The following ATF2 variants were observed in gnomAD, a reference collection of about 807,000 sequenced individuals.
ATF2 encodes the protein activating transcription factor 2, also known as cyclic AMP-dependent transcription factor ATF-2.
In ATF2, 24 loss-of-function variants were observed where a neutral mutation model predicts 60.6. The ratio of observed to expected loss-of-function variants is 0.40; its 90% confidence interval spans 0.29 to 0.56. The LOEUF (loss-of-function observed/expected upper bound fraction) is 0.56. Among genes scored for constraint, ATF2 ranks in the 20% least tolerant of loss-of-function variants. The pLI is 0.54. For missense variants in ATF2, 433 were observed against 607.7 expected (o/e 0.71, Z 3.02); for synonymous variants, 206 against 215.4 (o/e 0.96, Z 0.38).
chr2:175,096,072 T>C (rs1488663818), intron 11 of ATF2, among the ~76,000 whole-genome samples: 7 of 152,326 alleles, frequency 4.6e-5, no homozygotes, highest in Middle Eastern at 6.8e-3. Context: ...GTTATGTAAA[T>C]ACCTATGCTT....
intron 12 of ATF2, among the ~76,000 whole-genome samples, chr2:175,082,116 A>G (rs941679655): frequency 1.3e-5 from 2 of 152,184 alleles, no homozygotes; most frequent in African/African-American, 4.8e-5. Flanking sequence ...TAAGTGACAG[A>G]AACATAAAAA....
At chr2:175,099,373 G>A (rs187088761) in intron 10 of ATF2, among the ~76,000 whole-genome samples, 1 of 152,190 alleles carries the variant, frequency 6.6e-6, no homozygotes, top group Non-Finnish European at 1.5e-5. Flanking sequence ...AAAGTTCTGG[G>A]ATTACAGGTG....
intron 10 of ATF2, among the ~76,000 whole-genome samples, chr2:175,099,345 C>T (rs1036818494): frequency 1.3e-5 from 2 of 152,094 alleles, no homozygotes; most frequent in African/African-American, 4.8e-5. Flanking sequence ...CTCAAGTGAT[C>T]CACCCTCCTC....
intron 7 of ATF2, among the ~76,000 whole-genome samples, chr2:175,115,509 CT>C (rs1198401149): frequency 1.3e-5 from 2 of 152,124 alleles, no homozygotes; most frequent in African/African-American, 4.8e-5. Context: ...GGTATTTCCT[CT>C]GGTTTTACAA....
At chr2:175,089,802 C>T (rs1694419951) in intron 12 of ATF2, among the ~76,000 whole-genome samples, 1 of 152,050 alleles carries the variant, frequency 6.6e-6, no homozygotes, top group Non-Finnish European at 1.5e-5. Flanking sequence ...CCCTTTCTTC[C>T]CAAACCATCC....
At chr2:175,095,506 A>G (rs1694874252) in intron 11 of ATF2, among the ~76,000 whole-genome samples, 1 of 152,242 alleles carries the variant, frequency 6.6e-6, no homozygotes, top group Non-Finnish European at 1.5e-5. Flanking sequence ...AATCATAAGT[A>G]CTAGCAGAAT....
At chr2:175,115,851 GAAGA>G (rs1559081651) in intron 7 of ATF2, among the ~76,000 whole-genome samples, 1 of 152,152 alleles carries the variant, frequency 6.6e-6, no homozygotes, top group Non-Finnish European at 1.5e-5. Context: ...TGAAGGTAAG[GAAGA>G]GTCAGTTAAT....
At chr2:175,077,208 T>C (rs1038285982) in intron 13 of ATF2, among the ~76,000 whole-genome samples, 3 of 152,112 alleles carry the variant, frequency 2.0e-5, no homozygotes, top group South Asian at 2.1e-4. Context: ...TGTTGGACAT[T>C]TGGGTTGGTT....
At chr2:175,142,685 AAGAGAGAGAGAGAG>A (rs371270320) in intron 2 of ATF2, among the ~76,000 whole-genome samples, 47 of 126,438 alleles carry the variant, frequency 3.7e-4, no homozygotes, top group African/African-American at 1.3e-3. Context: ...ACGCTGCCGA[AAGAGAGAGAGAGAG>A]AGAGAGAGAG....
chr2:175,072,666 T>C lies in ATF2; in HGVS notation c.*1943A>G, dbSNP rs141685111. The C allele has an allele frequency of 3.0e-3, 463 of 152,232 alleles. No individual in the cohort carries two copies. Among genetic ancestry groups the C allele is most frequent in the Middle Eastern group, 0.014 (4 of 294 alleles). The allele number at this position is 152,232 out of a possible 1,614,324, so 9.4% of individuals were successfully genotyped here. A position where few individuals can be genotyped will look rare whatever the true frequency, so the allele number is the denominator to read the frequency against. ...AACCCATTCAAACTACAATAAAAAA[T>C]AGCCTTCTTGCAGAATTCATATTTT... On this transcript the variant is annotated 3_prime_UTR_variant, in exon 14 of 14. Transcript: ENST00000264110.
intron 2 of ATF2, among the ~76,000 whole-genome samples, chr2:175,142,773 A>C (rs1307276416): frequency 6.6e-6 from 1 of 151,202 alleles, no homozygotes; most frequent in African/African-American, 2.4e-5. Context: ...ATAATTCTAA[A>C]AAACCCTAAA....
chr2:175,097,109 T>C (rs867530259), intron 11 of ATF2, among the ~76,000 whole-genome samples: 39 of 152,324 alleles, frequency 2.6e-4, no homozygotes, highest in African/African-American at 7.7e-4. Flanking sequence ...ACTTCTTCAA[T>C]CAGGAAATAG....
At chr2:175,078,360 A>T (rs1197429407) in intron 13 of ATF2, among the ~76,000 whole-genome samples, 1 of 152,210 alleles carries the variant, frequency 6.6e-6, no homozygotes, top group African/African-American at 2.4e-5. Flanking sequence ...GACAATTATA[A>T]TACAACTTTA....
chr2:175,092,154 T>C (rs928202560), intron 12 of ATF2, among the ~76,000 whole-genome samples: 8 of 152,330 alleles, frequency 5.3e-5, no homozygotes, highest in African/African-American at 1.4e-4. Context: ...CTAAAAACTG[T>C]TTCCTAACCA....
intron 1 of ATF2, among the ~76,000 whole-genome samples, chr2:175,163,344 T>C (rs189852395): frequency 1.2e-4 from 18 of 152,218 alleles, no homozygotes; most frequent in African/African-American, 3.9e-4. Flanking sequence ...ATATTATAGA[T>C]AAAAATACTA....
intron 12 of ATF2, 76 bp downstream of exon 12, chr2:175,092,985 C>T (rs749839292): frequency 2.4e-4 from 365 of 1,514,246 alleles, no homozygotes; most frequent in Non-Finnish European, 3.2e-4. Flanking sequence ...TTTGGAGGCC[C>T]AACTAGGAAA....
At chr2:175,153,665 CT>C (rs1699460957) in intron 1 of ATF2, among the ~76,000 whole-genome samples, 1 of 151,824 alleles carries the variant, frequency 6.6e-6, no homozygotes. Flanking sequence ...CCCGTCTCTA[CT>C]AAAAATACAA....
intron 10 of ATF2, among the ~76,000 whole-genome samples, chr2:175,101,295 A>G (rs1283235191): frequency 1.3e-5 from 2 of 152,172 alleles, no homozygotes; most frequent in Admixed American, 1.3e-4. Context: ...TAAAGTAGAA[A>G]GACCTGAGTT....
chr2:175,136,575 G>A, intron 2 of ATF2, 89 bp from the exon 3 acceptor site: 1 of 820,322 alleles, frequency 1.2e-6, no homozygotes, highest in Non-Finnish European at 2.0e-6. Context: ...ATTACTCTCT[G>A]TAACACTACT....
Sources: gnomAD v4.1 joint callset for allele counts (sites outside exome capture counted in the v4.1 genomes callset) on GRCh38, gnomAD v4.1.1 for gene constraint, MANE v1.5 for transcripts, NCBI Gene and HGNC (gene_info 2026-07-23, HGNC 2026-07-21) for gene names.